The following ZC4H2 variants were observed in gnomAD, a reference collection of about 807,000 sequenced individuals.
The protein encoded by ZC4H2 is zinc finger C4H2-type containing, also known as zinc finger C4H2 domain-containing protein.
For synonymous variants in ZC4H2, 84 were observed against 66.3 expected, an observed-to-expected ratio of 1.27 and a Z score of -1.30; for missense variants, 137 against 173.9, an observed-to-expected ratio of 0.79 and a Z score of 1.19.
chrX:64,951,865 A>C (rs1404821843), intron 1 of ZC4H2, among the ~76,000 whole-genome samples: 5 of 111,367 alleles, frequency 4.5e-5, no homozygotes, highest in Non-Finnish European at 7.5e-5. Context: ...TTAGACATGA[A>C]GTCCTTGCCA....
In ZC4H2 at chrX:64,948,357, G is replaced by GA. The variant is rs772640268; in HGVS notation, c.54-26370dup. Among the ~76,000 whole-genome samples, 569 of 110,734 alleles carry GA rather than the reference G, an allele frequency of 5.1e-3. 2 individuals carry two copies. Among genetic ancestry groups the GA allele is most frequent in the African/African-American group, 0.017 (515 of 30,533 alleles). On this transcript the variant is annotated intron_variant, in intron 1 of 4. Transcript: ENST00000374839. Reference sequence around the variant, plus strand: ...AGTAAATGGCAATATTGTAGAAATTGAAAAAAAATTGGCTTCTGGATATTC... The same window carrying GA: ...AGTAAATGGCAATATTGTAGAAATTGAAAAAAAAATTGGCTTCTGGATATTC...
chrX:64,959,744 C>T (rs1299713426), intron 1 of ZC4H2, among the ~76,000 whole-genome samples: 1 of 109,943 alleles, frequency 9.1e-6, no homozygotes, highest in African/African-American at 3.3e-5. Flanking sequence ...ATAGTCATGG[C>T]AAAGTTCACA....
chrX:65,000,161 G>A (rs1242691971), intron 1 of ZC4H2, among the ~76,000 whole-genome samples: 4 of 111,962 alleles, frequency 3.6e-5, no homozygotes, highest in Admixed American at 2.8e-4. Flanking sequence ...AAATCTCCCA[G>A]CAGGCGCCAA....
At position 64,996,354 on chromosome X, in the gene ZC4H2, C is replaced by A. The variant is rs549799927; in HGVS notation, c.-272+38275G>T. Among the ~76,000 whole-genome samples, 165 of 108,634 alleles carry A rather than the reference C, an allele frequency of 1.5e-3. 2 individuals carry two copies. The South Asian group carries it at 0.059, about 39-fold the overall frequency. 94.3% of individuals were successfully genotyped at this position (108,634 alleles called of 115,157 possible). On this transcript the variant is annotated intron_variant, in intron 1 of 4. Transcript: ENST00000337990. ...GGCTATTACAGTGTTAAAAAAAAAACCCACCCAACTCTGAGAAAGAGAAAT... is the reference window on the plus strand; with the variant it reads ...GGCTATTACAGTGTTAAAAAAAAAAACCACCCAACTCTGAGAAAGAGAAAT...
intron 1 of ZC4H2, among the ~76,000 whole-genome samples, chrX:64,974,728 T>C (rs972683263): frequency 9.1e-6 from 1 of 110,385 alleles, no homozygotes; most frequent in Admixed American, 9.6e-5. Flanking sequence ...CTGGTAAGGG[T>C]AGAAGTCATG....
intron 1 of ZC4H2, among the ~76,000 whole-genome samples, chrX:64,972,745 G>A (rs1327180136): frequency 9.0e-6 from 1 of 111,719 alleles, no homozygotes. Flanking sequence ...GAGTAAATGA[G>A]CCAGGAGCTT....
At chrX:64,960,143 T>A (rs190532342) in intron 1 of ZC4H2, among the ~76,000 whole-genome samples, 1 of 110,737 alleles carries the variant, frequency 9.0e-6, no homozygotes, top group Non-Finnish European at 1.9e-5. Flanking sequence ...AGATAAATAT[T>A]CTAGGCTGCA....
chrX:64,949,649 T>C lies in ZC4H2; in HGVS notation c.53+26676A>G, dbSNP rs148109250. Among the ~76,000 whole-genome samples the C allele has an allele frequency of 6.3e-4, 71 of 111,932 alleles. 1 individual carries two copies. The East Asian group carries it at 0.019, about 30-fold the overall frequency. On this transcript the variant is annotated intron_variant, in intron 1 of 4. Coordinates refer to ENST00000374839, the MANE Select transcript of ZC4H2 (RefSeq NM_018684.4). ...GAATGATATTAATATATGTTCCTAG[T>C]ATTCTCTGATGGTAGTTTGTATTTC...
chrX:64,984,413 T>A (rs1415095606), intron 1 of ZC4H2, among the ~76,000 whole-genome samples: 2 of 111,383 alleles, frequency 1.8e-5, no homozygotes, highest in East Asian at 5.7e-4. Context: ...TTAAGAACAG[T>A]TTGATGGGCA....
intron 1 of ZC4H2, among the ~76,000 whole-genome samples, chrX:65,028,429 A>G (rs1932901958): frequency 1.8e-5 from 2 of 112,395 alleles, no homozygotes; most frequent in South Asian, 3.7e-4. Flanking sequence ...GGAAAAGTAC[A>G]GAAGTCTTGG....
At chrX:64,982,803 T>C (rs1282521188) in intron 1 of ZC4H2, among the ~76,000 whole-genome samples, 1 of 112,040 alleles carries the variant, frequency 8.9e-6, no homozygotes, top group Non-Finnish European at 1.9e-5. Context: ...GATTCAACTG[T>C]ATAAAAATGT....
chrX:64,937,102 A>C (rs1017365591), intron 1 of ZC4H2, among the ~76,000 whole-genome samples: 3 of 111,100 alleles, frequency 2.7e-5, no homozygotes, highest in African/African-American at 9.8e-5. Flanking sequence ...AAGAAAAAAA[A>C]AAAAGCTGGG....
At position 64,988,487 on chromosome X, in the gene ZC4H2, G is replaced by A. The variant is rs749143695; in HGVS notation, c.-272+46142C>T. On this transcript the variant is annotated intron_variant, in intron 1 of 4. Transcript: ENST00000337990. ...GATTTGCATTTCTCTGATGGCCAGT[G>A]ATGATGAGCAATTTTTCATGTGTCT... Among the ~76,000 whole-genome samples the A allele has an allele frequency of 2.7e-5, 3 of 111,950 alleles. No homozygotes were observed. The East Asian group carries it at 8.4e-4, about 31-fold the overall frequency.
intron 1 of ZC4H2, among the ~76,000 whole-genome samples, chrX:64,971,999 TAA>T (rs1275701671): frequency 1.8e-5 from 2 of 110,717 alleles, no homozygotes; most frequent in African/African-American, 6.6e-5. Context: ...CTGGTCCATT[TAA>T]TGGTGCCTGT....
rs770151154 is a variant in ZC4H2 at position 65,019,889 on chromosome X, T to C, written c.-272+14740A>G. ...CACAGCACAAGAACTTCATGAAGCA[T>C]ACACAAGTATCAACAGCTGAATCGA... On this transcript the variant is annotated intron_variant, in intron 1 of 4. Coordinates refer to the ZC4H2 transcript ENST00000337990. Among the ~76,000 whole-genome samples, 5 of 111,900 alleles carry C rather than the reference T, an allele frequency of 4.5e-5. No homozygotes were observed. The South Asian group carries it at 1.9e-3, about 42-fold the overall frequency.
chrX:64,963,245 A>T (rs1183103906), intron 1 of ZC4H2, among the ~76,000 whole-genome samples: 1 of 111,915 alleles, frequency 8.9e-6, no homozygotes, highest in African/African-American at 3.2e-5. Context: ...AACGTATAAC[A>T]TTGGACCCTT....
At chrX:64,924,847 G>A (rs1317480342) in intron 1 of ZC4H2, among the ~76,000 whole-genome samples, 1 of 110,989 alleles carries the variant, frequency 9.0e-6, no homozygotes, top group African/African-American at 3.3e-5. Context: ...GAGGTTGACA[G>A]GCCCTAAAAC....
chrX:64,927,322 C>G (rs1041660912), intron 1 of ZC4H2, among the ~76,000 whole-genome samples: 3 of 110,064 alleles, frequency 2.7e-5, no homozygotes, highest in African/African-American at 9.9e-5. Context: ...TGATGTTCCC[C>G]TCCCTGTGTC....
intron 1 of ZC4H2, among the ~76,000 whole-genome samples, chrX:64,970,000 T>C (rs1931721824): frequency 9.0e-6 from 1 of 111,602 alleles, no homozygotes; most frequent in Admixed American, 9.5e-5. Flanking sequence ...AGCTATTGAC[T>C]TTGATTAGAA....
Sources: allele counts gnomAD v4.1 joint callset (sites outside exome capture counted in the v4.1 genomes callset), GRCh38; gene constraint gnomAD v4.1.1; transcripts MANE v1.5; gene names NCBI Gene and HGNC (gene_info 2026-07-23, HGNC 2026-07-21).